Variants in SEL1L3 observed in about 807,000 individuals in gnomAD.
The protein encoded by SEL1L3 is SEL1L family member 3.
A neutral mutation model predicts 142.8 loss-of-function variants in SEL1L3; 76 were observed. That is an observed-to-expected ratio of 0.53 (90% confidence interval 0.44 to 0.64). SEL1L3 has a LOEUF of 0.64. SEL1L3 is among the 30% of genes least tolerant of loss of function. The probability of loss-of-function intolerance (pLI) is 0.00; values close to 1 mark genes in which losing one functional copy is unlikely to be tolerated. For synonymous variants in SEL1L3, 504 were observed against 519.6 expected, an observed-to-expected ratio of 0.97 and a Z score of 0.41; for missense variants, 1,262 against 1,381.7, an observed-to-expected ratio of 0.91 and a Z score of 1.37.
the SEL1L3 span, among the ~76,000 whole-genome samples, chr4:25,734,164 T>C: frequency 6.6e-6 from 1 of 152,006 alleles, no homozygotes; most frequent in Non-Finnish European, 1.5e-5. Context: ...GCTGGGATTA[T>C]AGGCACATGC....
At chr4:25,744,688 G>A (rs1717209616), downstream of SEL1L3, among the ~76,000 whole-genome samples, 1 of 152,102 alleles carries the variant, frequency 6.6e-6, no homozygotes, top group Admixed American at 6.5e-5. Context: ...AGAGGCCAGG[G>A]GTACTGTTTA....
At chr4:25,814,756 T>C (rs1714269640) in intron 9 of SEL1L3, among the ~76,000 whole-genome samples, 1 of 151,878 alleles carries the variant, frequency 6.6e-6, no homozygotes, top group Admixed American at 6.6e-5. Flanking sequence ...GTGTTGGAAA[T>C]ATAAACTCAT....
chr4:25,774,130 C>T (rs927667833), intron 17 of SEL1L3, among the ~76,000 whole-genome samples: 1 of 152,150 alleles, frequency 6.6e-6, no homozygotes, highest in Non-Finnish European at 1.5e-5. Flanking sequence ...AAAAAGCAAT[C>T]ATGATCCATG....
downstream of SEL1L3, among the ~76,000 whole-genome samples, chr4:25,744,338 A>C (rs1446310213): frequency 1.7e-5 from 2 of 114,518 alleles, no homozygotes; most frequent in African/African-American, 3.1e-5. Flanking sequence ...ATGAGGTCAT[A>C]TGTGTGAGTC....
At chr4:25,777,874 G>A (rs544804319) in intron 16 of SEL1L3, 2 of 456,110 alleles carry the variant, frequency 4.4e-6, no homozygotes, top group Admixed American at 2.3e-5. Context: ...GCCTAAAACA[G>A]AGGTCGACAA....
chr4:25,739,601 G>A, the SEL1L3 span, among the ~76,000 whole-genome samples: 10 of 152,022 alleles, frequency 6.6e-5, no homozygotes, highest in African/African-American at 2.4e-4. Context: ...GCAGCTACTC[G>A]GGAGCTGAGG....
chr4:25,731,868 T>G, the SEL1L3 span, among the ~76,000 whole-genome samples: 1 of 151,808 alleles, frequency 6.6e-6, no homozygotes, highest in Admixed American at 6.6e-5. Context: ...AGGTCAGGGG[T>G]TTGAAACCAG....
chr4:25,784,412 C>T (rs1324015521), intron 13 of SEL1L3, 122 bp from the exon 14 acceptor site: 1 of 774,028 alleles, frequency 1.3e-6, no homozygotes, highest in African/African-American at 1.7e-5. Flanking sequence ...CATTTAAACC[C>T]AAGCTTAGGG....
the SEL1L3 span, among the ~76,000 whole-genome samples, chr4:25,714,116 T>A: frequency 2.0e-5 from 3 of 152,126 alleles, no homozygotes; most frequent in Middle Eastern, 3.2e-3. Flanking sequence ...TCCAAAAAAA[T>A]TTTAAAATTA....
chr4:25,812,076 A>T (rs1420402111), intron 9 of SEL1L3, among the ~76,000 whole-genome samples: 3 of 152,240 alleles, frequency 2.0e-5, no homozygotes, highest in Non-Finnish European at 2.9e-5. Flanking sequence ...GATCCAACTT[A>T]TACTTTGAAT....
chr4:25,772,038 TG>T (rs1719258342), intron 17 of SEL1L3, among the ~76,000 whole-genome samples: 1 of 151,518 alleles, frequency 6.6e-6, no homozygotes, highest in South Asian at 2.1e-4. Context: ...CACACAAAAA[TG>T]AAAAAAGGGG....
chr4:25,739,156 C>T, the SEL1L3 span, among the ~76,000 whole-genome samples: 1 of 152,100 alleles, frequency 6.6e-6, no homozygotes, highest in African/African-American at 2.4e-5. Flanking sequence ...TTGCAGTGAG[C>T]AGAGAATGTG....
Position 25,779,081 on chromosome 4 carries a change from A to G in SEL1L3, c.2580T>C (p.Ala860=). 1 of 1,613,490 alleles carries G rather than the reference A, an allele frequency of 6.2e-7. No homozygotes were observed. The highest frequency in any genetic ancestry group is 8.5e-7 in the Non-Finnish European group (1 of 1,179,570). Reference sequence around the variant, plus strand: ...AACGTTTGACAGAGTCTTACACAACAGCTTTCTCAGGATCTCTAGGGAATG... The same window carrying G: ...AACGTTTGACAGAGTCTTACACAACGGCTTTCTCAGGATCTCTAGGGAATG... ...LETFPRDPEK[A]VVWAKHVAEK... The change falls in exon 16 of 24, where the codon GCT becomes GCC. Residue 860 remains alanine, a synonymous_variant. Coordinates refer to ENST00000399878, the MANE Select transcript of SEL1L3 (RefSeq NM_015187.5).
chr4:25,744,528 A>G (rs1202726210), downstream of SEL1L3, among the ~76,000 whole-genome samples: 2 of 151,664 alleles, frequency 1.3e-5, no homozygotes, highest in Non-Finnish European at 2.9e-5. Context: ...TAATTTTTGT[A>G]TTTTTAGTAG....
chr4:25,793,940 A>C (rs1712536265), intron 11 of SEL1L3, among the ~76,000 whole-genome samples: 1 of 152,258 alleles, frequency 6.6e-6, no homozygotes, highest in South Asian at 2.1e-4. Flanking sequence ...TTCCCTATTT[A>C]ATAAATGGTG....
upstream of SEL1L3, chr4:25,863,043 G>T (rs1577714960): frequency 3.0e-5 from 1 of 32,906 alleles, no homozygotes; most frequent in Non-Finnish European, 4.8e-5. Context: ...GCTCCTCCCC[G>T]CCTCCCCGTC....
chr4:25,757,394 C>T, intron 23 of SEL1L3, 140 bp downstream of exon 23: 1 of 680,718 alleles, frequency 1.5e-6, no homozygotes, highest in South Asian at 2.0e-5. Flanking sequence ...GAAGACCACC[C>T]TAGGGATAGG....
chr4:25,721,934 G>C, the SEL1L3 span, among the ~76,000 whole-genome samples: 3 of 152,306 alleles, frequency 2.0e-5, no homozygotes, highest in Middle Eastern at 6.8e-3. Flanking sequence ...GAGATTGCTG[G>C]AGAGGACAAA....
chr4:25,830,898 C>T (rs1337290390), intron 5 of SEL1L3, among the ~76,000 whole-genome samples: 1 of 152,306 alleles, frequency 6.6e-6, no homozygotes, highest in East Asian at 1.9e-4. Context: ...TTTGCCTAAA[C>T]CAACCATTTA....
Sources: allele counts gnomAD v4.1 joint callset (sites outside exome capture counted in the v4.1 genomes callset), GRCh38; gene constraint gnomAD v4.1.1; transcripts MANE v1.5; gene names NCBI Gene and HGNC (gene_info 2026-07-23, HGNC 2026-07-21).